SLC17A9: variants seen among roughly 807,000 people sequenced by gnomAD.
The protein encoded by SLC17A9 is voltage-gated purine nucleotide uniporter SLC17A9.
In SLC17A9, 49 loss-of-function variants were observed where a neutral mutation model predicts 55.0. The observed-to-expected ratio is 0.89, with a 90% confidence interval of 0.71 to 1.13. The LOEUF is 1.13. Among genes scored for constraint, SLC17A9 ranks in the 50% most tolerant of loss-of-function variants. The pLI is 0.00. For synonymous variants in SLC17A9, 256 were observed against 247.4 expected (o/e 1.03, Z -0.32); for missense variants, 526 against 569.3 (o/e 0.92, Z 0.77).
chr20:62,957,470 C>G lies in SLC17A9; in HGVS notation c.287C>G (p.Ser96Ter), dbSNP rs199966851. ...GGGGGTGAGAAGGTCATCCTGCTGT[C>G]AGCCTCTGCCTGGGGCTCCATCACG... ...RIGGEKVILL[S>*]ASAWGSITAV... The change falls in exon 3 of 13, where the codon TCA becomes TGA. Residue 96 changes from serine (S) to a stop codon, truncating the protein, a stop_gained. Coordinates refer to ENST00000370351, the MANE Select transcript of SLC17A9 (RefSeq NM_022082.4). LOFTEE classifies it high-confidence loss of function. The G allele has an allele frequency of 3.2e-4, 520 of 1,606,606 alleles. No homozygotes were observed. Among genetic ancestry groups the G allele is most frequent in the Non-Finnish European group, 4.2e-4 (500 of 1,177,120 alleles).
At chr20:62,965,257 A>G in intron 9 of SLC17A9, 91 bp downstream of exon 9, 1 of 1,548,532 alleles carries the variant, frequency 6.5e-7, no homozygotes, top group Non-Finnish European at 8.9e-7. Context: ...AAGTCACCTG[A>G]TATCTGGGAC....
chr20:62,968,422 C>CAG lies in SLC17A9; in HGVS notation c.*924_*925dup. ...CGGGCCCCACGCACCCCAGAACACA[C>CAG]AGACCCACCTTTCTGGCGTTCTTTC... On this transcript the variant is annotated 3_prime_UTR_variant, in exon 13 of 13. Coordinates refer to ENST00000370351, the MANE Select transcript of SLC17A9 (RefSeq NM_022082.4). 6.6e-6 allele frequency: 1 copy of CAG among 152,412 alleles called. No homozygotes were observed. The highest frequency in any genetic ancestry group is 2.1e-4 in the South Asian group (1 of 4,830). 9.4% of individuals were successfully genotyped at this position (152,412 alleles called of 1,614,324 possible).
At position 62,962,473 on chromosome 20, in the gene SLC17A9, G is replaced by C; in HGVS notation, c.498-151G>C. Reference sequence around the variant, plus strand: ...CGAAGTCCTTAACAAAACAGGCCAGGACGGTGGCTTCTGAGCTGCTCCTCT... The same window carrying C: ...CGAAGTCCTTAACAAAACAGGCCAGCACGGTGGCTTCTGAGCTGCTCCTCT... On this transcript the variant is annotated intron_variant, in intron 4 of 12. Coordinates refer to ENST00000370351, the MANE Select transcript of SLC17A9 (RefSeq NM_022082.4). This position sits in a 1 kb window ranked among gnomAD's most constrained non-coding sequence, Gnocchi z 5.5. 9 of 971,846 alleles carry C rather than the reference G, an allele frequency of 9.3e-6. No homozygotes were observed. Among genetic ancestry groups the C allele is most frequent in the Non-Finnish European group, 1.3e-5 (9 of 680,530 alleles). 60.2% of individuals were successfully genotyped at this position (971,846 alleles called of 1,614,324 possible).
chr20:62,965,831 C>A, intron 10 of SLC17A9, 106 bp downstream of exon 10: 2 of 1,043,010 alleles, frequency 1.9e-6, no homozygotes, highest in Admixed American at 2.1e-5. Context: ...CTCTTCCTCA[C>A]ACTTCACCCC....
chr20:62,952,784 GC>G lies in SLC17A9; in HGVS notation c.-43del. ...GTGGGTCAGCCTGGGCTGGGAGGCA[GC>G]CCCGGGACACAGCTGTGCCCACGCC... On this transcript the variant is annotated 5_prime_UTR_variant, in exon 1 of 13. Transcript: ENST00000370351. 2 of 1,527,962 alleles carry G rather than the reference GC, an allele frequency of 1.3e-6. No homozygotes were observed. Among genetic ancestry groups the G allele is most frequent in the Non-Finnish European group, 8.8e-7 (1 of 1,141,564 alleles). 94.7% of individuals were successfully genotyped at this position (1,527,962 alleles called of 1,614,324 possible). A position where few individuals can be genotyped will look rare whatever the true frequency, so the allele number is the denominator to read the frequency against.
intron 2 of SLC17A9, 62 bp from the exon 3 acceptor site, chr20:62,957,379 T>G: frequency 6.6e-7 from 1 of 1,520,676 alleles, no homozygotes; most frequent in Non-Finnish European, 8.8e-7. Context: ...CTGCCCTGAG[T>G]CAGGGTGGTG....
intron 2 of SLC17A9, chr20:62,957,175 AGAAGACCCCCCCAGAG>A: frequency 1.0e-6 from 1 of 984,114 alleles, no homozygotes; most frequent in Non-Finnish European, 1.2e-6. Flanking sequence ...AAATCTGGGC[AGAAGACCCCCCCAGAG>A]GAAGATGGGA....
chr20:62,967,568 G>A lies in SLC17A9; in HGVS notation c.*68G>A. The A allele has an allele frequency of 3.9e-6, 6 of 1,541,646 alleles. No individual in the cohort carries two copies. The highest frequency in any genetic ancestry group is 1.2e-5 in the South Asian group (1 of 83,422). Reference sequence around the variant, plus strand: ...CCCCAGGACACAGGGGACTCAGTGTGTGGGACTTGGTCACTCCATGTCAGA... The same window carrying A: ...CCCCAGGACACAGGGGACTCAGTGTATGGGACTTGGTCACTCCATGTCAGA... On this transcript the variant is annotated 3_prime_UTR_variant, in exon 13 of 13. Coordinates refer to ENST00000370351, the MANE Select transcript of SLC17A9 (RefSeq NM_022082.4).
rs1183323748 is a variant in SLC17A9, at chr20:62,962,774, C to T, written c.628+20C>T. On this transcript the variant is annotated intron_variant, in intron 5 of 12. Transcript: ENST00000370351. This position sits in a 1 kb window ranked among gnomAD's most constrained non-coding sequence, Gnocchi z 5.5. Reference sequence around the variant, plus strand: ...AAAAAGGTAACGCAGGCCGGGCGGGCTAGTCCCGGGCGCCCACAGCTGCCC... The same window carrying T: ...AAAAAGGTAACGCAGGCCGGGCGGGTTAGTCCCGGGCGCCCACAGCTGCCC... The T allele has an allele frequency of 1.2e-6, 2 of 1,612,316 alleles. No individual in the cohort carries two copies. Among genetic ancestry groups the T allele is most frequent in the East Asian group, 2.2e-5 (1 of 44,838 alleles).
intron 2 of SLC17A9, 152 bp downstream of exon 2, chr20:62,957,114 G>A (rs2065543776): frequency 2.3e-6 from 3 of 1,323,424 alleles, no homozygotes; most frequent in Non-Finnish European, 3.0e-6. Context: ...CCTGGGGAAG[G>A]AGCTTCGTGG....
chr20:62,960,517 T>G lies in SLC17A9; in HGVS notation c.411T>G (p.Pro137=). The change falls in exon 4 of 13, where the codon CCT becomes CCG. Residue 137 remains proline (P), a synonymous_variant. Transcript: ENST00000370351. ...CACTTGTTGCAGGGGTTTACTTCCC[T>G]GCCCTGACCAGCCTGCTGTCGCAGA... The part of the protein sequence containing the change: ...LMGLLQGVYF[P]ALTSLLSQKV... 6.2e-7 allele frequency: 1 copy of G among 1,613,314 alleles called. No individual in the cohort carries two copies. The highest frequency in any genetic ancestry group is 1.7e-5 in the Admixed American group (1 of 60,000).
intron 3 of SLC17A9, 21 bp from the exon 4 acceptor site, chr20:62,960,483 C>T (rs754514554): frequency 6.2e-7 from 1 of 1,604,452 alleles, no homozygotes; most frequent in South Asian, 1.1e-5. Flanking sequence ...CCCTGAGAGA[C>T]CCTCCCTCCA....
intron 10 of SLC17A9, 123 bp downstream of exon 10, chr20:62,965,848 A>C: frequency 2.2e-6 from 2 of 899,856 alleles, no homozygotes; most frequent in Non-Finnish European, 3.4e-6. Context: ...CCCCCTTCCC[A>C]AGCTGCTGGG....
chr20:62,964,143 G>A (rs560381064), intron 7 of SLC17A9, 85 bp from the exon 8 acceptor site: 384 of 1,379,464 alleles, frequency 2.8e-4, no homozygotes, highest in Non-Finnish European at 3.6e-4. Context: ...TGGTGGGCAC[G>A]GGGGCGCTGT....
chr20:62,953,758 G>A (rs1320455310), intron 1 of SLC17A9, among the ~76,000 whole-genome samples: 1 of 152,230 alleles, frequency 6.6e-6, no homozygotes, highest in Non-Finnish European at 1.5e-5. Context: ...CCCTAGAAGT[G>A]CTGGGAAGAG....
At chr20:62,960,041 G>C (rs1329512379) in intron 3 of SLC17A9, among the ~76,000 whole-genome samples, 1 of 152,256 alleles carries the variant, frequency 6.6e-6, no homozygotes, top group Non-Finnish European at 1.5e-5. Flanking sequence ...GTCTGTGCAC[G>C]CATGCGGCAG....
intron 4 of SLC17A9, among the ~76,000 whole-genome samples, chr20:62,961,834 G>C (rs944115155): frequency 1.3e-5 from 2 of 152,230 alleles, no homozygotes; most frequent in African/African-American, 4.8e-5. Flanking sequence ...ACAGGGTCAA[G>C]TGTGGGCTGG....
rs2065661881 is a variant in SLC17A9 at position 62,968,937 on chromosome 20, A to G, written c.*1437A>G. 3 of 152,390 alleles carry G rather than the reference A, an allele frequency of 2.0e-5. No homozygotes were observed. Among genetic ancestry groups the G allele is most frequent in the South Asian group, 2.1e-4 (1 of 4,832 alleles). The allele number at this position is 152,390 out of a possible 1,614,324, so 9.4% of individuals were successfully genotyped here. ...ACAAAGTGGAGTTTTGCACTTGAGC[A>G]CAAATGTTCCCCTACAATCTCTCCA... On this transcript the variant is annotated 3_prime_UTR_variant, in exon 13 of 13. Coordinates refer to ENST00000370351, the MANE Select transcript of SLC17A9 (RefSeq NM_022082.4).
Position 62,957,513 on chromosome 20 carries a change from CGCCCACCTGAGCAGT to C in SLC17A9, c.340_354del (p.Ser114_Leu118del), listed in dbSNP as rs772752490. The C allele has an allele frequency of 6.4e-5, 103 of 1,610,018 alleles. No individual in the cohort carries two copies. Among genetic ancestry groups the C allele is most frequent in the Non-Finnish European group, 8.5e-5 (100 of 1,178,832 alleles). ...CCATCACGGCCGTCACCCCACTGCT[CGCCCACCTGAGCAGT>C]GCCCACCTGGCCTTCATGACCTTCT... On this transcript the variant is annotated inframe_deletion, in exon 3 of 13. Transcript: ENST00000370351.
Sources: allele counts gnomAD v4.1 joint callset (sites outside exome capture counted in the v4.1 genomes callset), GRCh38; gene constraint gnomAD v4.1.1; non-coding constraint Gnocchi (gnomAD v3.1); transcripts MANE v1.5; gene names NCBI Gene and HGNC (gene_info 2026-07-23, HGNC 2026-07-21).